The following PLLP variants were observed in gnomAD, a reference collection of about 807,000 sequenced individuals.
PLLP encodes the protein plasma membrane proteolipid (plasmolipin).
Under a neutral mutation model 19.7 loss-of-function variants are expected in PLLP, and 15 were observed. That is an observed-to-expected ratio of 0.76 (90% CI 0.51 to 1.17). The LOEUF is 1.17. PLLP is among the 50% of genes most tolerant of loss of function. The pLI is 0.00. For synonymous variants in PLLP, 111 were observed against 116.3 expected (o/e 0.95, Z 0.29); for missense variants, 255 against 258.3 (o/e 0.99, Z 0.09).
chr16:57,280,286 G>T (rs77543249), intron 1 of PLLP, among the ~76,000 whole-genome samples: 5,121 of 152,124 alleles, frequency 0.034, 285 homozygotes, highest in African/African-American at 0.12. Context: ...TCACCCTCTC[G>T]GAGCCTATTT....
chr16:57,272,092 GCCC>G (rs1195060381), intron 1 of PLLP, among the ~76,000 whole-genome samples: 1 of 152,110 alleles, frequency 6.6e-6, no homozygotes, highest in African/African-American at 2.4e-5. Context: ...ACCCTGCCAG[GCCC>G]CCGCCAGGGC....
intron 1 of PLLP, among the ~76,000 whole-genome samples, chr16:57,282,768 T>C (rs1213922076): frequency 6.6e-6 from 1 of 152,192 alleles, no homozygotes; most frequent in African/African-American, 2.4e-5. Flanking sequence ...CACCACATCT[T>C]GGCTCACACT....
At chr16:57,264,935 T>C (rs2075452550) in intron 1 of PLLP, among the ~76,000 whole-genome samples, 1 of 152,268 alleles carries the variant, frequency 6.6e-6, no homozygotes, top group Admixed American at 6.5e-5. Context: ...TGTCCATCTG[T>C]GAACTGCCCC....
rs1244912784 is a variant in PLLP, at chr16:57,262,135, A to G, written c.136-65T>C. 3.3e-6 allele frequency: 5 copies of G among 1,522,198 alleles called. No homozygotes were observed. The East Asian group carries it at 1.1e-4, about 34-fold the overall frequency. The allele number at this position is 1,522,198 out of a possible 1,614,324, so 94.3% of individuals were successfully genotyped here. A position where few individuals can be genotyped will look rare whatever the true frequency, so the allele number is the denominator to read the frequency against. On this transcript the variant is annotated intron_variant, in intron 1 of 3. Coordinates refer to ENST00000219207, the MANE Select transcript of PLLP (RefSeq NM_015993.3). The stretch of plus-strand genomic sequence containing the variant: ...GTTTCATTTCTTATCTAGCTAAGAA[A>G]TACTGGCCAGGCACAGTGGCTCATG...
intron 1 of PLLP, among the ~76,000 whole-genome samples, chr16:57,275,051 C>T (rs997147963): frequency 4.6e-5 from 7 of 151,926 alleles, no homozygotes; most frequent in East Asian, 1.9e-4. Context: ...TGAGCCACCA[C>T]GCCCGGCCAA....
intron 1 of PLLP, among the ~76,000 whole-genome samples, chr16:57,272,583 C>T (rs1403019928): frequency 6.6e-6 from 1 of 152,000 alleles, no homozygotes; most frequent in Non-Finnish European, 1.5e-5. Flanking sequence ...CTTCCGGCAA[C>T]ACTGGTTCTA....
At position 57,261,980 on chromosome 16, in the gene PLLP, G is replaced by T; in HGVS notation, c.226C>A (p.Leu76Ile). Residue 76 changes from leucine (L) to isoleucine (I), a missense_variant, in exon 2 of 4, where the codon CTC becomes ATC. By Grantham distance (5) the Leu-to-Ile change is conservative. Transcript: ENST00000219207. ...YGWVMFVAVF[L>I]WLVTIVLFNL... is the part of the protein sequence containing the mutation. ...AAGAGGACGATTGTCACCAGCCAGA[G>T]GAAGACAGCGACGAACATCACCCAG... 1 of 1,614,180 alleles carries T rather than the reference G, an allele frequency of 6.2e-7. No homozygotes were observed. Among genetic ancestry groups the T allele is most frequent in the Middle Eastern group, 1.6e-4 (1 of 6,062 alleles).
intron 1 of PLLP, among the ~76,000 whole-genome samples, chr16:57,275,562 C>A (rs1340586090): frequency 2.9e-5 from 3 of 102,950 alleles, no homozygotes; most frequent in Admixed American, 1.2e-4. Flanking sequence ...TTCCAGAACC[C>A]AGAAAGAAAA....
At chr16:57,263,855 C>T (rs911668270) in intron 1 of PLLP, among the ~76,000 whole-genome samples, 1 of 152,210 alleles carries the variant, frequency 6.6e-6, no homozygotes, top group Non-Finnish European at 1.5e-5. Flanking sequence ...CCAATCAAGA[C>T]ACACAGAGGT....
intron 1 of PLLP, 44 bp downstream of exon 1, chr16:57,284,362 C>G: frequency 1.5e-6 from 2 of 1,330,330 alleles, no homozygotes; most frequent in Non-Finnish European, 1.9e-6. Flanking sequence ...CCTGGCCGGA[C>G]CGGGAGCCCC....
rs60781178 is a variant in PLLP at position 57,258,134 on chromosome 16, G to A, written c.432+328C>T. Among the ~76,000 whole-genome samples, 3 of 152,268 alleles carry A rather than the reference G, an allele frequency of 2.0e-5. No individual in the cohort carries two copies. In the East Asian group the frequency reaches 5.8e-4, roughly 29 times the overall value. ...TAGTCCCAGCTACTTGGGAGGCTGA[G>A]TCAGGAGAATCACTTAAACCCAAGA... On this transcript the variant is annotated intron_variant, in intron 3 of 3. Transcript: ENST00000219207.
chr16:57,268,988 C>T, intron 1 of PLLP, among the ~76,000 whole-genome samples: 1 of 152,206 alleles, frequency 6.6e-6, no homozygotes. Flanking sequence ...GGACCCACGT[C>T]AGTGCCAGCC....
chr16:57,269,834 C>T (rs1282733734), intron 1 of PLLP, among the ~76,000 whole-genome samples: 3 of 152,132 alleles, frequency 2.0e-5, no homozygotes, highest in African/African-American at 7.2e-5. Context: ...GGCGCAATCT[C>T]GGCTCACTGC....
At chr16:57,265,303 C>T (rs1024605170) in intron 1 of PLLP, among the ~76,000 whole-genome samples, 1 of 152,258 alleles carries the variant, frequency 6.6e-6, no homozygotes, top group African/African-American at 2.4e-5. Context: ...CACGAACCCC[C>T]AGAGCTGGGG....
intron 1 of PLLP, among the ~76,000 whole-genome samples, chr16:57,262,717 A>G (rs771900048): frequency 1.3e-5 from 2 of 152,134 alleles, no homozygotes; most frequent in African/African-American, 4.8e-5. Context: ...CCTCAGAGAC[A>G]GAGTGAAATT....
At chr16:57,280,610 C>T (rs1219194896) in intron 1 of PLLP, among the ~76,000 whole-genome samples, 1 of 152,162 alleles carries the variant, frequency 6.6e-6, no homozygotes, top group Non-Finnish European at 1.5e-5. Flanking sequence ...TTTTTAGACG[C>T]TATCTGCATA....
chr16:57,273,339 G>A (rs1478359000), intron 1 of PLLP, among the ~76,000 whole-genome samples: 1 of 152,064 alleles, frequency 6.6e-6, no homozygotes, highest in Non-Finnish European at 1.5e-5. Context: ...AGCTCATCTG[G>A]TGTCTGACCC....
chr16:57,258,660 A>G, intron 2 of PLLP, 76 bp from the exon 3 acceptor site: 2 of 1,455,944 alleles, frequency 1.4e-6, no homozygotes, highest in Non-Finnish European at 1.9e-6. Flanking sequence ...GGTGGTTCAC[A>G]CCTGTAATCC....
intron 3 of PLLP, among the ~76,000 whole-genome samples, chr16:57,257,251 C>T (rs2075428813): frequency 6.6e-6 from 1 of 152,260 alleles, no homozygotes; most frequent in Admixed American, 6.5e-5. Flanking sequence ...ACAGGCAGGG[C>T]CTGTCAGATT....
Sources: allele counts gnomAD v4.1 joint callset (sites outside exome capture counted in the v4.1 genomes callset), GRCh38; gene constraint gnomAD v4.1.1; transcripts MANE v1.5; gene names NCBI Gene and HGNC (gene_info 2026-07-23, HGNC 2026-07-21).